The following GSG1L variants were observed in gnomAD, a reference collection of about 807,000 sequenced individuals.
The protein encoded by GSG1L is GSG1 like, also known as germ cell-specific gene 1-like protein.
Under a neutral mutation model 42.1 loss-of-function variants are expected in GSG1L, and 24 were observed. The ratio of observed to expected loss-of-function variants is 0.57; its 90% confidence interval spans 0.41 to 0.80. GSG1L has a LOEUF of 0.80. GSG1L is among the 30% of genes least tolerant of loss of function. The pLI is 0.00. For synonymous variants in GSG1L, 215 were observed against 203.5 expected (o/e 1.06, Z -0.48); for missense variants, 445 against 472.2 (o/e 0.94, Z 0.53).
At chr16:28,022,662 TTTTTGTTTTG>T (rs531999896) in intron 1 of GSG1L, among the ~76,000 whole-genome samples, 1 of 151,772 alleles carries the variant, frequency 6.6e-6, no homozygotes, top group African/African-American at 2.4e-5. Flanking sequence ...CTTTTTTTGT[TTTTTGTTTTG>T]TTTTGTTTTG....
intron 1 of GSG1L, among the ~76,000 whole-genome samples, chr16:28,039,621 A>C (rs2141183646): frequency 6.6e-6 from 1 of 151,262 alleles, no homozygotes; most frequent in Non-Finnish European, 1.5e-5. Flanking sequence ...ACACACAAGC[A>C]GACATGTACG....
At chr16:27,872,204 T>C (rs2083829912) in intron 3 of GSG1L, among the ~76,000 whole-genome samples, 1 of 152,172 alleles carries the variant, frequency 6.6e-6, no homozygotes, top group Non-Finnish European at 1.5e-5. Context: ...GGGCATTAGA[T>C]GTGAGACCCC....
intron 2 of GSG1L, among the ~76,000 whole-genome samples, chr16:27,941,970 C>T (rs2141084223): frequency 6.6e-6 from 1 of 152,134 alleles, no homozygotes; most frequent in East Asian, 1.9e-4. Flanking sequence ...GAAGTGAGTG[C>T]TTAATGACTA....
chr16:27,922,492 T>C (rs1324948244), intron 2 of GSG1L, among the ~76,000 whole-genome samples: 1 of 152,234 alleles, frequency 6.6e-6, no homozygotes, highest in Non-Finnish European at 1.5e-5. Context: ...ATAGTACCGA[T>C]CACCTCTGTG....
intron 2 of GSG1L, among the ~76,000 whole-genome samples, chr16:27,897,753 T>C (rs142030104): frequency 0.017 from 2,530 of 152,312 alleles, 32 homozygotes; most frequent in Middle Eastern, 0.038. Flanking sequence ...GAGCCTGGAC[T>C]TGAGGTCAAA....
chr16:27,907,830 G>C (rs1343840739), intron 2 of GSG1L, among the ~76,000 whole-genome samples: 4 of 151,814 alleles, frequency 2.6e-5, no homozygotes, highest in African/African-American at 9.7e-5. Flanking sequence ...GTCTAGGCCT[G>C]TGTCCTTTCT....
intron 3 of GSG1L, among the ~76,000 whole-genome samples, chr16:27,857,588 A>G (rs2083595574): frequency 1.3e-5 from 2 of 152,096 alleles, no homozygotes; most frequent in Non-Finnish European, 2.9e-5. Context: ...CAAGAAAACG[A>G]AAGGCAAGGG....
intron 2 of GSG1L, among the ~76,000 whole-genome samples, chr16:27,929,422 G>A (rs62033485): frequency 3.6e-4 from 55 of 152,286 alleles, no homozygotes; most frequent in Admixed American, 5.2e-4. Flanking sequence ...AAGTGAGCCC[G>A]GTGGGAATCA....
At position 28,021,178 on chromosome 16, in the gene GSG1L, G is replaced by A. The variant is rs145924452; in HGVS notation, c.349+41898C>T. Among the ~76,000 whole-genome samples the A allele has an allele frequency of 4.3e-4, 66 of 152,224 alleles. No individual in the cohort carries two copies. The East Asian group carries it at 7.0e-3, about 16-fold the overall frequency. ...TGCGGGCTATGCAGGAAGCATGAGGGGGCATCTGCTTGGCTTCTGGGGAGG... is the reference window on the plus strand; with the variant it reads ...TGCGGGCTATGCAGGAAGCATGAGGAGGCATCTGCTTGGCTTCTGGGGAGG... On this transcript the variant is annotated intron_variant, in intron 1 of 6. Transcript: ENST00000447459.
At chr16:27,953,365 C>A (rs1296795166) in intron 2 of GSG1L, among the ~76,000 whole-genome samples, 2 of 152,120 alleles carry the variant, frequency 1.3e-5, no homozygotes, top group Non-Finnish European at 2.9e-5. Context: ...ACTAGGATTA[C>A]AGGTATGAGC....
intron 1 of GSG1L, among the ~76,000 whole-genome samples, chr16:27,984,126 G>A (rs894160109): frequency 2.0e-5 from 3 of 152,014 alleles, no homozygotes; most frequent in Non-Finnish European, 4.4e-5. Context: ...TTTGGAGGTC[G>A]GTGCGGGAAT....
intron 2 of GSG1L, among the ~76,000 whole-genome samples, chr16:27,931,507 T>C (rs2084657553): frequency 6.6e-6 from 1 of 152,246 alleles, no homozygotes; most frequent in South Asian, 2.1e-4. Context: ...GAAATGCATG[T>C]TGAGGCAATG....
chr16:27,821,410 G>A (rs2083149347), intron 5 of GSG1L, among the ~76,000 whole-genome samples: 1 of 152,072 alleles, frequency 6.6e-6, no homozygotes, highest in African/African-American at 2.4e-5. Flanking sequence ...TACCTGATAG[G>A]TGGTTTTGCA....
At chr16:27,903,147 C>T (rs1284676187) in intron 2 of GSG1L, among the ~76,000 whole-genome samples, 1 of 151,978 alleles carries the variant, frequency 6.6e-6, no homozygotes, top group East Asian at 1.9e-4. Flanking sequence ...AGAACGAGAC[C>T]CAGGGGGCGG....
At chr16:27,954,492 C>T (rs2141098912) in intron 2 of GSG1L, among the ~76,000 whole-genome samples, 2 of 152,254 alleles carry the variant, frequency 1.3e-5, no homozygotes, top group East Asian at 3.9e-4. Context: ...ACATGTGTGC[C>T]ACTGAGATAC....
chr16:27,980,775 T>C (rs954881699), intron 1 of GSG1L, among the ~76,000 whole-genome samples: 1 of 151,548 alleles, frequency 6.6e-6, no homozygotes, highest in Non-Finnish European at 1.5e-5. Context: ...CCAGCTACTC[T>C]GGAGGCTGAG....
At chr16:27,862,168 C>T (rs1382686083) in intron 3 of GSG1L, among the ~76,000 whole-genome samples, 3 of 152,160 alleles carry the variant, frequency 2.0e-5, no homozygotes, top group Non-Finnish European at 2.9e-5. Flanking sequence ...ATAGGATGTA[C>T]GTGACTATGT....
At chr16:27,911,266 G>GCTCTCTCTCT (rs71648556) in intron 2 of GSG1L, among the ~76,000 whole-genome samples, 5 of 122,052 alleles carry the variant, frequency 4.1e-5, no homozygotes, top group South Asian at 5.5e-4. Flanking sequence ...CCTCTCTCTC[G>GCTCTCTCTCT]CTCTCTCTCT....
chr16:27,826,001 C>T (rs539061026), intron 5 of GSG1L, among the ~76,000 whole-genome samples: 1 of 152,186 alleles, frequency 6.6e-6, no homozygotes, highest in East Asian at 1.9e-4. Context: ...GCATGAGAAC[C>T]GACTAATACA....
Sources: allele counts gnomAD v4.1 joint callset (sites outside exome capture counted in the v4.1 genomes callset), GRCh38; gene constraint gnomAD v4.1.1; transcripts MANE v1.5; gene names NCBI Gene and HGNC (gene_info 2026-07-23, HGNC 2026-07-21).